SYT1: variants seen among roughly 807,000 people sequenced by gnomAD.
SYT1 encodes synaptotagmin 1, also known as synaptotagmin-1.
Under a neutral mutation model 44.8 loss-of-function variants are expected in SYT1, and 8 were observed. The observed-to-expected ratio is 0.18, with a 90% CI of 0.10 to 0.32. The LOEUF is 0.32. Among genes scored for constraint, SYT1 ranks in the 10% least tolerant of loss-of-function variants. SYT1 has a pLI of 1.00. For synonymous variants in SYT1, 154 were observed against 188.8 expected (o/e 0.82, Z 1.51); for missense variants, 286 against 509.3 (o/e 0.56, Z 4.22).
intron 3 of SYT1, among the ~76,000 whole-genome samples, chr12:79,142,097 G>A (rs1458189699): frequency 6.6e-6 from 1 of 152,202 alleles, no homozygotes; most frequent in Non-Finnish European, 1.5e-5. Context: ...CAGTAATCCT[G>A]TGTGCCTGTG....
chr12:78,941,055 CTTTT>C (rs1384559478), intron 1 of SYT1, among the ~76,000 whole-genome samples: 1 of 86,020 alleles, frequency 1.2e-5, no homozygotes. Flanking sequence ...CTTTTTTTTT[CTTTT>C]TTTTTCTTTT....
intron 4 of SYT1, among the ~76,000 whole-genome samples, chr12:79,271,268 T>TA (rs1878410082): frequency 6.6e-6 from 1 of 152,158 alleles, no homozygotes; most frequent in East Asian, 1.9e-4. Context: ...AATAATTTTT[T>TA]AAAAAATTTA....
chr12:79,431,836 A>C (rs1191055599), intron 9 of SYT1, among the ~76,000 whole-genome samples: 1 of 152,006 alleles, frequency 6.6e-6, no homozygotes, highest in Non-Finnish European at 1.5e-5. Flanking sequence ...AGCCACCATG[A>C]CTGGCCCTTG....
At chr12:79,337,516 A>G (rs952126665) in intron 8 of SYT1, among the ~76,000 whole-genome samples, 4 of 152,224 alleles carry the variant, frequency 2.6e-5, no homozygotes, top group African/African-American at 9.6e-5. Context: ...TAGCAGAAGT[A>G]GCTACAGAGT....
At chr12:79,428,788 A>G (rs1869597630) in intron 9 of SYT1, among the ~76,000 whole-genome samples, 1 of 152,186 alleles carries the variant, frequency 6.6e-6, no homozygotes, top group South Asian at 2.1e-4. Flanking sequence ...TTGCATTGCT[A>G]TAAAGGAATA....
In SYT1 at chr12:78,973,939, ATATATATATATATAT is replaced by A. The variant is rs1293222842; in HGVS notation, c.-216-3859_-216-3845del. 1.6e-3 allele frequency among the ~76,000 whole-genome samples: 18 copies of A among 11,404 alleles called. 1 individual carries two copies. The highest frequency in any genetic ancestry group is 7.1e-3 in the South Asian group (1 of 140). 7.5% of individuals were successfully genotyped at this position (11,404 alleles called of 152,430 possible). Reference sequence around the variant, plus strand: ...ACCAAAAAAAAAAAAAAAAAAAAAAATATATATATATATATATATATATATATATATATATATATA... The same window carrying A: ...ACCAAAAAAAAAAAAAAAAAAAAAAAATATATATATATATATATATATATA... On this transcript the variant is annotated intron_variant, in intron 1 of 10. Coordinates refer to ENST00000261205, the MANE Select transcript of SYT1 (RefSeq NM_005639.3).
chr12:79,121,874 T>C (rs1017369807), intron 3 of SYT1, among the ~76,000 whole-genome samples: 41 of 152,244 alleles, frequency 2.7e-4, no homozygotes, highest in African/African-American at 8.0e-4. Flanking sequence ...ATAGTAGATG[T>C]AATTCAATTT....
At chr12:79,216,592 T>A (rs952100258) in intron 3 of SYT1, among the ~76,000 whole-genome samples, 3 of 152,196 alleles carry the variant, frequency 2.0e-5, no homozygotes, top group Non-Finnish European at 4.4e-5. Flanking sequence ...GGATGTCAAA[T>A]GCCCTGTTAA....
intron 8 of SYT1, among the ~76,000 whole-genome samples, chr12:79,317,765 TGCAGAAGAGTGCA>T (rs1881166104): frequency 7.2e-6 from 1 of 139,436 alleles, no homozygotes; most frequent in Admixed American, 6.9e-5. Context: ...GAAAGAACAC[TGCAGAAGAGTGCA>T]GCAGTGCACC....
intron 3 of SYT1, among the ~76,000 whole-genome samples, chr12:79,135,319 G>T (rs1426331880): frequency 1.4e-5 from 2 of 138,144 alleles, no homozygotes; most frequent in Non-Finnish European, 1.5e-5. Flanking sequence ...TGTTCTCATT[G>T]TTCAATTCCC....
chr12:79,189,230 A>C (rs1872973457), intron 3 of SYT1, among the ~76,000 whole-genome samples: 1 of 152,124 alleles, frequency 6.6e-6, no homozygotes, highest in Non-Finnish European at 1.5e-5. Context: ...CTTGGGTTTG[A>C]ATTCAGATTC....
intron 3 of SYT1, among the ~76,000 whole-genome samples, chr12:79,173,523 G>A (rs1410259874): frequency 6.6e-6 from 1 of 152,070 alleles, no homozygotes. Flanking sequence ...GTTGGAATAT[G>A]AAGAGTAAAA....
chr12:78,979,131 T>C (rs972401595), intron 2 of SYT1, among the ~76,000 whole-genome samples: 2 of 152,178 alleles, frequency 1.3e-5, no homozygotes, highest in African/African-American at 2.4e-5. Context: ...TGGAAATGCA[T>C]ATACCCAGTA....
At chr12:78,988,126 C>T (rs1308519150) in intron 2 of SYT1, among the ~76,000 whole-genome samples, 1 of 151,798 alleles carries the variant, frequency 6.6e-6, no homozygotes, top group Admixed American at 6.6e-5. Context: ...ACTCACTGAA[C>T]AAATTTTTTT....
intron 3 of SYT1, among the ~76,000 whole-genome samples, chr12:79,077,106 T>C (rs1298143526): frequency 6.6e-6 from 1 of 152,088 alleles, no homozygotes; most frequent in African/African-American, 2.4e-5. Context: ...TTAACCACCA[T>C]GAATTTTCTA....
chr12:78,898,126 C>T (rs1335331024), intron 1 of SYT1, among the ~76,000 whole-genome samples: 1 of 151,866 alleles, frequency 6.6e-6, no homozygotes, highest in Non-Finnish European at 1.5e-5. Context: ...GCCCTTGCTA[C>T]ATAATAACTG....
In SYT1 at chr12:78,981,125, G is replaced by GTTTTTTTTT. The variant is rs1171068435; in HGVS notation, c.-84+3205_-84+3213dup. Among the ~76,000 whole-genome samples, 17 of 122,686 alleles carry GTTTTTTTTT rather than the reference G, an allele frequency of 1.4e-4. 1 individual carries two copies. The highest frequency in any genetic ancestry group is 2.1e-4 in the Non-Finnish European group (12 of 58,434). The allele number at this position is 122,686 out of a possible 152,430, so 80.5% of individuals were successfully genotyped here. ...TTGTTGTTGTTTTGTTTGTTTCTTT[G>GTTTTTTTTT]TTTTTTTTTTTTTTTTTTTGAGACG... On this transcript the variant is annotated intron_variant, in intron 2 of 10. Transcript: ENST00000261205.
chr12:79,185,877 T>C lies in SYT1; in HGVS notation c.-17-31626T>C, dbSNP rs528379693. 6.0e-4 allele frequency among the ~76,000 whole-genome samples: 9 copies of C among 15,084 alleles called. No homozygotes were observed. In the South Asian group the frequency reaches 7.5e-3, roughly 12 times the overall value. 9.9% of individuals were successfully genotyped at this position (15,084 alleles called of 152,430 possible). On this transcript the variant is annotated intron_variant, in intron 3 of 10. Transcript: ENST00000261205. ...AGAGATACTCTCCATTTTTTAAATC[T>C]TCAACATTTTTGGCCAAAAAAATAT...
chr12:78,973,042 A>C (rs932183010), intron 1 of SYT1, among the ~76,000 whole-genome samples: 13 of 152,156 alleles, frequency 8.5e-5, no homozygotes, highest in African/African-American at 3.1e-4. Context: ...TCTATTTTTC[A>C]TCAATTTGTT....
Sources: allele counts gnomAD v4.1 joint callset (sites outside exome capture counted in the v4.1 genomes callset), GRCh38; gene constraint gnomAD v4.1.1; transcripts MANE v1.5; gene names NCBI Gene and HGNC (gene_info 2026-07-23, HGNC 2026-07-21).